Variants in ZSWIM6 observed in about 807,000 individuals in gnomAD.
The protein encoded by ZSWIM6 is zinc finger SWIM domain-containing protein 6.
A neutral mutation model predicts 113.2 loss-of-function variants in ZSWIM6; 9 were observed. The ratio of observed to expected loss-of-function variants is 0.08; its 90% CI spans 0.05 to 0.14. ZSWIM6 has a LOEUF of 0.14. ZSWIM6 is among the 10% of genes least tolerant of loss of function. ZSWIM6 has a pLI of 1.00. For missense variants in ZSWIM6, 1,162 were observed against 1,552.2 expected, an observed-to-expected ratio of 0.75 and a Z score of 4.22; for synonymous variants, 611 against 606.5, an observed-to-expected ratio of 1.01 and a Z score of -0.11.
At chr5:61,534,909 T>G (rs759558951) in intron 9 of ZSWIM6, among the ~76,000 whole-genome samples, 5 of 152,216 alleles carry the variant, frequency 3.3e-5, no homozygotes, top group Non-Finnish European at 7.3e-5. Context: ...ATTCTTTTTA[T>G]TAATAATCAC....
intron 1 of ZSWIM6, among the ~76,000 whole-genome samples, chr5:61,370,923 G>T (rs1579958319): frequency 6.6e-6 from 1 of 152,128 alleles, no homozygotes; most frequent in East Asian, 1.9e-4. Flanking sequence ...TTTCCCATAT[G>T]TTTGCGTATT....
At position 61,530,190 on chromosome 5, in the gene ZSWIM6, A is replaced by G; in HGVS notation, c.1976A>G (p.Asp659Gly). The G allele has an allele frequency of 1.9e-6, 3 of 1,550,820 alleles. No individual in the cohort carries two copies. Among genetic ancestry groups the G allele is most frequent in the Non-Finnish European group, 1.7e-6 (2 of 1,146,440 alleles). Residue 659 changes from aspartate to glycine, a missense_variant, in exon 8 of 14, where the codon GAT becomes GGT. Coordinates refer to ENST00000252744, the MANE Select transcript of ZSWIM6 (RefSeq NM_020928.2). ...IDDENLSGFS[D>G]FTENMGQCKS... ...GATGAGAACCTCTCTGGGTTCTCAG[A>G]TTTTACAGGTAAAACCATTGACATT... is the stretch of plus-strand genomic sequence containing the variant.
At chr5:61,378,922 G>GT (rs1455114617) in intron 1 of ZSWIM6, among the ~76,000 whole-genome samples, 5 of 151,994 alleles carry the variant, frequency 3.3e-5, no homozygotes, top group African/African-American at 1.2e-4. Flanking sequence ...GCTCACTCCT[G>GT]TTATCCCAGT....
intron 1 of ZSWIM6, among the ~76,000 whole-genome samples, chr5:61,470,299 T>G (rs1276549101): frequency 6.6e-6 from 1 of 152,140 alleles, no homozygotes; most frequent in Non-Finnish European, 1.5e-5. Flanking sequence ...ATAACCGGTT[T>G]CCCCGTGCAA....
chr5:61,341,790 T>G (rs989403159), intron 1 of ZSWIM6, among the ~76,000 whole-genome samples: 2 of 151,670 alleles, frequency 1.3e-5, no homozygotes, highest in Non-Finnish European at 2.9e-5. Context: ...AGTATACACA[T>G]AATCCTTCAG....
At chr5:61,450,284 CT>C in intron 1 of ZSWIM6, among the ~76,000 whole-genome samples, 1 of 152,236 alleles carries the variant, frequency 6.6e-6, no homozygotes. Context: ...TCAAATTCTT[CT>C]TTGCCCCACA....
intron 1 of ZSWIM6, among the ~76,000 whole-genome samples, chr5:61,409,873 G>T (rs1201746811): frequency 6.6e-6 from 1 of 152,208 alleles, no homozygotes; most frequent in African/African-American, 2.4e-5. Context: ...GATCAGGCCA[G>T]TAAAGGAAGA....
At chr5:61,374,928 A>G (rs998491556) in intron 1 of ZSWIM6, among the ~76,000 whole-genome samples, 2 of 152,216 alleles carry the variant, frequency 1.3e-5, no homozygotes, top group African/African-American at 2.4e-5. Flanking sequence ...GAAAATGCCA[A>G]CAGGAATTTT....
At chr5:61,511,006 G>A (rs1748772782) in intron 4 of ZSWIM6, among the ~76,000 whole-genome samples, 1 of 152,160 alleles carries the variant, frequency 6.6e-6, no homozygotes, top group African/African-American at 2.4e-5. Context: ...AGGGAAAGGA[G>A]ATAAATGCCC....
In ZSWIM6 at chr5:61,525,780, C is replaced by G; in HGVS notation, c.1514-20C>G. On this transcript the variant is annotated intron_variant, in intron 5 of 13. Transcript: ENST00000252744. ...TGTGAATAATAGCTGACACGGCTTT[C>G]TGAATTGTGGAAAAAACAGATTCAT... 6.4e-7 allele frequency: 1 copy of G among 1,551,074 alleles called. No homozygotes were observed. Among genetic ancestry groups the G allele is most frequent in the Non-Finnish European group, 8.7e-7 (1 of 1,146,552 alleles).
At position 61,525,933 on chromosome 5, in the gene ZSWIM6, T is replaced by C; in HGVS notation, c.1647T>C (p.Thr549=). The change falls in exon 6 of 14, where the codon ACT becomes ACC. Residue 549 remains threonine, a synonymous_variant. Transcript: ENST00000252744. The part of the protein sequence containing the change: ...LYTNYCYHDD[T]ENSLFDSRGW... ...CCAACTACTGTTACCATGACGACAC[T>C]GAAAACTCCCTCTTCGACTCCCGCG... 6.4e-7 allele frequency: 1 copy of C among 1,552,190 alleles called. No individual in the cohort carries two copies. The highest frequency in any genetic ancestry group is 8.7e-7 in the Non-Finnish European group (1 of 1,147,062).
chr5:61,507,215 T>C (rs1748648508), intron 4 of ZSWIM6, among the ~76,000 whole-genome samples: 2 of 152,186 alleles, frequency 1.3e-5, no homozygotes, highest in African/African-American at 4.8e-5. Context: ...ATGGTATCTT[T>C]TATAGAAAGT....
intron 1 of ZSWIM6, among the ~76,000 whole-genome samples, chr5:61,390,130 C>T (rs140765389): frequency 6.6e-5 from 10 of 152,300 alleles, no homozygotes; most frequent in Admixed American, 3.3e-4. Context: ...TGCCTGTCTA[C>T]GTATACATCA....
intron 1 of ZSWIM6, among the ~76,000 whole-genome samples, chr5:61,397,753 G>A (rs1303344022): frequency 6.6e-6 from 1 of 152,140 alleles, no homozygotes; most frequent in Non-Finnish European, 1.5e-5. Flanking sequence ...GAAGGGGATG[G>A]AGTCCTTATT....
At chr5:61,393,696 C>T (rs936391139) in intron 1 of ZSWIM6, among the ~76,000 whole-genome samples, 3 of 149,670 alleles carry the variant, frequency 2.0e-5, no homozygotes, top group Admixed American at 6.7e-5. Context: ...TGAGATGGCG[C>T]CATTGCACTC....
At chr5:61,340,364 T>G (rs2112025675) in intron 1 of ZSWIM6, among the ~76,000 whole-genome samples, 1 of 152,316 alleles carries the variant, frequency 6.6e-6, no homozygotes, top group Non-Finnish European at 1.5e-5. Flanking sequence ...TATATATATG[T>G]GATGATGTCC....
chr5:61,381,716 T>C lies in ZSWIM6; in HGVS notation c.676+48768T>C, dbSNP rs139977421. Reference sequence around the variant, plus strand: ...CCTGTTGTTCAGCTGTAACTCCATATAGTCACCCTTTTGAATGCCACAAGA... The same window carrying C: ...CCTGTTGTTCAGCTGTAACTCCATACAGTCACCCTTTTGAATGCCACAAGA... On this transcript the variant is annotated intron_variant, in intron 1 of 13. Coordinates refer to ENST00000252744, the MANE Select transcript of ZSWIM6 (RefSeq NM_020928.2). Among the ~76,000 whole-genome samples the C allele has an allele frequency of 6.2e-3, 940 of 152,334 alleles. 8 individuals are homozygous for C. Among genetic ancestry groups the C allele is most frequent in the Middle Eastern group, 0.01 (3 of 294 alleles).
intron 1 of ZSWIM6, among the ~76,000 whole-genome samples, chr5:61,339,841 A>C (rs878858590): frequency 6.6e-6 from 1 of 152,198 alleles, no homozygotes; most frequent in Non-Finnish European, 1.5e-5. Flanking sequence ...GTGATTTATT[A>C]ATTTTTTAAC....
At chr5:61,486,914 G>A (rs1359309267) in intron 2 of ZSWIM6, among the ~76,000 whole-genome samples, 1 of 151,920 alleles carries the variant, frequency 6.6e-6, no homozygotes, top group Non-Finnish European at 1.5e-5. Context: ...TTCTTTTGCT[G>A]TACAGAAGCT....
Sources: allele counts gnomAD v4.1 joint callset (sites outside exome capture counted in the v4.1 genomes callset), GRCh38; gene constraint gnomAD v4.1.1; transcripts MANE v1.5; gene names NCBI Gene and HGNC (gene_info 2026-07-23, HGNC 2026-07-21).